Variants in PCDHA6 observed in about 807,000 individuals in gnomAD.
PCDHA6 encodes protocadherin alpha 6.
Under a neutral mutation model 60.3 loss-of-function variants are expected in PCDHA6, and 55 were observed. The ratio of observed to expected loss-of-function variants is 0.91; its 90% CI spans 0.73 to 1.14. PCDHA6 has a LOEUF of 1.14. PCDHA6 is among the 50% of genes most tolerant of loss of function. PCDHA6 has a pLI of 0.00. For missense variants in PCDHA6, 1,327 were observed against 1,256.5 expected (o/e 1.06, Z -0.85); for synonymous variants, 652 against 557.9 (o/e 1.17, Z -2.38).
chr5:140,834,392 C>T (rs2150216428), intron 1 of PCDHA6: 20 of 1,595,562 alleles, frequency 1.3e-5, no homozygotes, highest in Non-Finnish European at 6.0e-6. Context: ...AAATGGTGTG[C>T]CCGAATGGAT....
At chr5:140,943,718 C>G (rs2093552773) in intron 1 of PCDHA6, among the ~76,000 whole-genome samples, 1 of 152,020 alleles carries the variant, frequency 6.6e-6, no homozygotes, top group South Asian at 2.1e-4. Flanking sequence ...ATTTAAAGGT[C>G]TGAGAGAATG....
intron 1 of PCDHA6, chr5:140,842,585 G>T: frequency 6.3e-7 from 1 of 1,596,296 alleles, no homozygotes; most frequent in East Asian, 2.2e-5. Flanking sequence ...GTCGGCCTAT[G>T]AGTTGGTGGT....
intron 1 of PCDHA6, among the ~76,000 whole-genome samples, chr5:140,895,476 G>A (rs928938592): frequency 6.6e-6 from 1 of 152,074 alleles, no homozygotes; most frequent in Non-Finnish European, 1.5e-5. Context: ...ATCCTCTTCG[G>A]AGAAATACCT....
chr5:140,926,889 G>A, intron 1 of PCDHA6: 1 of 1,545,026 alleles, frequency 6.5e-7, no homozygotes, highest in Non-Finnish European at 8.7e-7. Context: ...CGCCTAGAGG[G>A]AGGATGGTGG....
chr5:140,986,777 G>A (rs1203790689), intron 3 of PCDHA6, among the ~76,000 whole-genome samples: 5 of 152,234 alleles, frequency 3.3e-5, no homozygotes, highest in Admixed American at 6.5e-5. Flanking sequence ...ATTAGGTAGC[G>A]GAAGCCACTA....
chr5:140,939,481 A>G (rs1554212745), intron 1 of PCDHA6, among the ~76,000 whole-genome samples: 2 of 152,206 alleles, frequency 1.3e-5, no homozygotes, highest in Non-Finnish European at 2.9e-5. Flanking sequence ...CTTCATGAGA[A>G]TGTTAATTAT....
chr5:140,968,355 G>C lies in PCDHA6; in HGVS notation c.2395-10594G>C. On this transcript the variant is annotated intron_variant, in intron 1 of 3. Transcript: ENST00000529310. ...GTCTCCATTAACAGTGCCAGTGGCA[G>C]CCTTTATGCTGTCAACTCCTTTGAC... 1 of 1,614,080 alleles carries C rather than the reference G, an allele frequency of 6.2e-7. No individual in the cohort carries two copies. The highest frequency in any genetic ancestry group is 8.5e-7 in the Non-Finnish European group (1 of 1,180,010).
intron 3 of PCDHA6, among the ~76,000 whole-genome samples, chr5:140,982,966 G>A (rs1407279371): frequency 6.6e-6 from 1 of 151,986 alleles, no homozygotes; most frequent in African/African-American, 2.4e-5. Flanking sequence ...CCCACCCAAA[G>A]TAGTAAGGAA....
chr5:140,896,390 C>A, intron 1 of PCDHA6, among the ~76,000 whole-genome samples: 1 of 152,124 alleles, frequency 6.6e-6, no homozygotes, highest in Non-Finnish European at 1.5e-5. Flanking sequence ...ACCTCACCAG[C>A]ATCTGTTATT....
intron 1 of PCDHA6, chr5:140,877,329 C>T: frequency 6.2e-7 from 1 of 1,614,012 alleles, no homozygotes; most frequent in South Asian, 1.1e-5. Flanking sequence ...TCGGCGCGCA[C>T]ATCCCGTTCC....
intron 1 of PCDHA6, chr5:140,883,585 C>G: frequency 6.2e-7 from 1 of 1,614,028 alleles, no homozygotes; most frequent in Non-Finnish European, 8.5e-7. Flanking sequence ...GGGCCACGGC[C>G]AGCGTGTCGG....
intron 1 of PCDHA6, among the ~76,000 whole-genome samples, chr5:140,931,204 A>G (rs782790968): frequency 7.2e-5 from 11 of 152,176 alleles, no homozygotes; most frequent in Non-Finnish European, 1.5e-4. Context: ...CAATGCTAGT[A>G]TTTCAGGTAT....
Position 140,884,686 on chromosome 5 carries a change from G to C in PCDHA6, c.2394+54201G>C, listed in dbSNP as rs376199469. 72 of 1,538,980 alleles carry C rather than the reference G, an allele frequency of 4.7e-5. No homozygotes were observed. The African/African-American group carries it at 8.7e-4, about 19-fold the overall frequency. ...AGGTAAGCTTATATTTTAAAAAATT[G>C]TCTTAGTAAACACTTTAGCCTTCCT... On this transcript the variant is annotated intron_variant, in intron 1 of 3. Transcript: ENST00000529310.
intron 1 of PCDHA6, chr5:140,870,528 A>G (rs556976390): frequency 3.1e-6 from 5 of 1,614,214 alleles, no homozygotes; most frequent in African/African-American, 2.7e-5. Context: ...ACATCTTCAC[A>G]GTGTCGGCGC....
At position 140,944,959 on chromosome 5, in the gene PCDHA6, A is replaced by C. The variant is rs183198577; in HGVS notation, c.2395-33990A>C. Among the ~76,000 whole-genome samples, 72 of 152,254 alleles carry C rather than the reference A, an allele frequency of 4.7e-4. No individual in the cohort carries two copies. The East Asian group carries it at 0.012, about 25-fold the overall frequency. ...TTAGATGATTGTGAATAAGAGTATT[A>C]TCTTAACCTCTCTGGTGGGTCTACT... On this transcript the variant is annotated intron_variant, in intron 1 of 3. Coordinates refer to ENST00000529310, the MANE Select transcript of PCDHA6 (RefSeq NM_018909.4).
intron 1 of PCDHA6, among the ~76,000 whole-genome samples, chr5:140,896,760 T>C (rs562641955): frequency 1.3e-5 from 2 of 152,340 alleles, no homozygotes; most frequent in East Asian, 3.9e-4. Flanking sequence ...ATTAGACCTT[T>C]GTTGGATGCA....
intron 1 of PCDHA6, among the ~76,000 whole-genome samples, chr5:140,965,140 TG>T (rs1191631396): frequency 2.0e-5 from 3 of 152,150 alleles, no homozygotes; most frequent in Non-Finnish European, 4.4e-5. Flanking sequence ...GACAGAATAC[TG>T]GGAGATGAAG....
Position 141,009,727 on chromosome 5 carries a change from C to T in PCDHA6, c.2643C>T (p.Pro881=), listed in dbSNP as rs781880006. The part of the protein sequence containing the change: ...YGPGNPKQSG[P]GELPDKFIIP... ...CAGGCAACCCCAAACAATCCGGTCC[C>T]GGTGAGTTGCCCGACAAATTCATTA... Residue 881 remains proline, a synonymous_variant, in exon 4 of 4, where the codon CCC becomes CCT. Coordinates refer to ENST00000529310, the MANE Select transcript of PCDHA6 (RefSeq NM_018909.4). The T allele has an allele frequency of 3.1e-6, 5 of 1,614,022 alleles. No homozygotes were observed. The highest frequency in any genetic ancestry group is 2.2e-5 in the East Asian group (1 of 44,886).
intron 1 of PCDHA6, chr5:140,864,345 G>A (rs2048432897): frequency 6.6e-6 from 1 of 152,130 alleles, no homozygotes; most frequent in Non-Finnish European, 1.5e-5. Flanking sequence ...TTTAAAACAT[G>A]TTTAAATGTT....
Sources: gnomAD v4.1 joint callset for allele counts (sites outside exome capture counted in the v4.1 genomes callset) on GRCh38, gnomAD v4.1.1 for gene constraint, MANE v1.5 for transcripts, NCBI Gene and HGNC (gene_info 2026-07-23, HGNC 2026-07-21) for gene names.